The following PRKAG2 variants were observed in gnomAD, a reference collection of about 807,000 sequenced individuals.
PRKAG2 encodes protein kinase AMP-activated non-catalytic subunit gamma 2.
PRKAG2 carries 26 observed loss-of-function variants against 69.6 expected under a neutral mutation model. The ratio of observed to expected loss-of-function variants is 0.37; its 90% CI spans 0.27 to 0.52. The LOEUF is 0.52. Among genes scored for constraint, PRKAG2 ranks in the 20% least tolerant of loss-of-function variants. The probability of loss-of-function intolerance (pLI) is 0.90; values close to 1 mark genes in which losing one functional copy is unlikely to be tolerated. For missense variants in PRKAG2, 557 were observed against 740.0 expected (o/e 0.75, Z 2.87); for synonymous variants, 293 against 285.0 (o/e 1.03, Z -0.28).
chr7:151,712,365 A>C (rs6945264), intron 3 of PRKAG2, among the ~76,000 whole-genome samples: 2 of 152,104 alleles, frequency 1.3e-5, no homozygotes, highest in African/African-American at 2.4e-5. Context: ...TGGCCACCGC[A>C]GGAGACTGGG....
At chr7:151,656,072 C>A (rs1486407901) in intron 4 of PRKAG2, among the ~76,000 whole-genome samples, 1 of 152,102 alleles carries the variant, frequency 6.6e-6, no homozygotes, top group Non-Finnish European at 1.5e-5. Context: ...TTTTTTTAAA[C>A]CTGAAACCTG....
intron 3 of PRKAG2, among the ~76,000 whole-genome samples, chr7:151,742,042 G>A (rs28428655): frequency 1.0e-3 from 152 of 152,258 alleles, no homozygotes; most frequent in African/African-American, 3.6e-3. Flanking sequence ...ACATTTCATT[G>A]AAATTGAATA....
chr7:151,831,410 G>C (rs1481383654), intron 1 of PRKAG2, among the ~76,000 whole-genome samples: 5 of 152,168 alleles, frequency 3.3e-5, no homozygotes, highest in Non-Finnish European at 7.3e-5. Context: ...AAAAAGGAAG[G>C]ACTGACGCAT....
intron 3 of PRKAG2, among the ~76,000 whole-genome samples, chr7:151,744,277 G>A (rs1722733586): frequency 6.6e-6 from 1 of 152,226 alleles, no homozygotes; most frequent in South Asian, 2.1e-4. Flanking sequence ...GAAGTGCCAG[G>A]ACATGTGGCA....
chr7:151,594,033 C>T (rs1328878338), intron 6 of PRKAG2, among the ~76,000 whole-genome samples: 1 of 152,168 alleles, frequency 6.6e-6, no homozygotes, highest in Non-Finnish European at 1.5e-5. Context: ...GCAGGCCACA[C>T]CTGGGGGTCC....
chr7:151,795,890 T>TATATAAAAAA (rs1491286413), intron 1 of PRKAG2, among the ~76,000 whole-genome samples: 24 of 96,588 alleles, frequency 2.5e-4, no homozygotes, highest in African/African-American at 1.1e-3. Flanking sequence ...TATATATATA[T>TATATAAAAAA]CACGATAATA....
intron 1 of PRKAG2, among the ~76,000 whole-genome samples, chr7:151,820,496 CCGTGGCCTGGCCCCTGTGGCTTCTG>C: frequency 4.0e-5 from 4 of 101,168 alleles, no homozygotes; most frequent in Non-Finnish European, 4.2e-5. Context: ...GAACACCGCT[CCGTGGCCTGGCCCCTGTGGCTTCTG>C]CAGGGCACAC....
chr7:151,722,310 G>A (rs532421020), intron 3 of PRKAG2, among the ~76,000 whole-genome samples: 81 of 152,214 alleles, frequency 5.3e-4, no homozygotes, highest in South Asian at 1.0e-3. Context: ...GCGTTAGTTC[G>A]TTACCTGCTT....
chr7:151,730,153 G>A (rs1798701566), intron 3 of PRKAG2, among the ~76,000 whole-genome samples: 1 of 152,204 alleles, frequency 6.6e-6, no homozygotes, highest in African/African-American at 2.4e-5. Flanking sequence ...TTTGTATTAT[G>A]TACATCTGAC....
intron 1 of PRKAG2, among the ~76,000 whole-genome samples, chr7:151,820,956 C>A (rs1466397841): frequency 3.2e-3 from 8 of 2,498 alleles, no homozygotes; most frequent in East Asian, 0.021. Flanking sequence ...GGACCCCCCC[C>A]AGCCAGGTAC....
chr7:151,750,336 G>C (rs938202322), intron 3 of PRKAG2, among the ~76,000 whole-genome samples: 2 of 152,110 alleles, frequency 1.3e-5, no homozygotes, highest in African/African-American at 4.8e-5. Context: ...ATTCACAAAA[G>C]GTGGAAACAA....
chr7:151,644,191 C>T (rs1247128421), intron 4 of PRKAG2, among the ~76,000 whole-genome samples: 3 of 152,214 alleles, frequency 2.0e-5, no homozygotes, highest in South Asian at 2.1e-4. Context: ...ATAACTTACT[C>T]ATGTAAGTTC....
At chr7:151,784,991 G>T (rs1013934850) in intron 2 of PRKAG2, among the ~76,000 whole-genome samples, 1 of 152,268 alleles carries the variant, frequency 6.6e-6, no homozygotes, top group African/African-American at 2.4e-5. Flanking sequence ...GCAGATAACA[G>T]GCGCCAGCTG....
intron 13 of PRKAG2, among the ~76,000 whole-genome samples, chr7:151,564,704 A>G (rs1805826832): frequency 1.3e-5 from 2 of 152,064 alleles, no homozygotes; most frequent in African/African-American, 4.8e-5. Flanking sequence ...CCAGAGGAAG[A>G]ACAGGCTTGA....
chr7:151,840,565 C>G (rs2079252672), intron 1 of PRKAG2, among the ~76,000 whole-genome samples: 1 of 152,170 alleles, frequency 6.6e-6, no homozygotes, highest in African/African-American at 2.4e-5. Flanking sequence ...ACTACAGATG[C>G]ATCTGGCCCC....
At chr7:151,624,316 T>G (rs966128768) in intron 5 of PRKAG2, among the ~76,000 whole-genome samples, 2 of 151,810 alleles carry the variant, frequency 1.3e-5, no homozygotes, top group South Asian at 4.2e-4. Context: ...ATTTTCTGTA[T>G]TATTTATTTA....
Position 151,702,757 on chromosome 7 carries a change from G to C in PRKAG2, c.467-27120C>G, listed in dbSNP as rs1478567861. On this transcript the variant is annotated intron_variant, in intron 3 of 15. Coordinates refer to ENST00000287878, the MANE Select transcript of PRKAG2 (RefSeq NM_016203.4). ...AATTAATGATCAGAGTGAAGGCCTG[G>C]GGGGCACAGCCCCTAGGATAGCAAA... Among the ~76,000 whole-genome samples the C allele has an allele frequency of 2.0e-5, 3 of 152,196 alleles. No individual in the cohort carries two copies. In the East Asian group the frequency reaches 5.8e-4, roughly 29 times the overall value.
intron 6 of PRKAG2, among the ~76,000 whole-genome samples, chr7:151,594,979 G>A (rs1282037913): frequency 6.6e-6 from 1 of 152,030 alleles, no homozygotes; most frequent in Non-Finnish European, 1.5e-5. Flanking sequence ...TGTATTTTTA[G>A]TACAGATGGT....
At chr7:151,716,605 G>A (rs1008086077) in intron 3 of PRKAG2, among the ~76,000 whole-genome samples, 2 of 152,012 alleles carry the variant, frequency 1.3e-5, no homozygotes, top group Admixed American at 1.3e-4. Flanking sequence ...CCTTAGGAAG[G>A]AGGGTATGGG....
Sources: allele counts gnomAD v4.1 joint callset (sites outside exome capture counted in the v4.1 genomes callset), GRCh38; gene constraint gnomAD v4.1.1; transcripts MANE v1.5; gene names NCBI Gene and HGNC (gene_info 2026-07-23, HGNC 2026-07-21).